The following CDKAL1 variants were observed in gnomAD, a reference collection of about 807,000 sequenced individuals.
CDKAL1 encodes CDKAL1 threonylcarbamoyladenosine tRNA methylthiotransferase, also known as threonylcarbamoyladenosine tRNA methylthiotransferase.
A neutral mutation model predicts 68.2 loss-of-function variants in CDKAL1; 32 were observed. That is an observed-to-expected ratio of 0.47 (90% CI 0.35 to 0.63). The LOEUF (loss-of-function observed/expected upper bound fraction) is 0.63, where lower values mean the gene tolerates loss of function less well. Ranked by LOEUF, CDKAL1 falls within the 30% of genes least tolerant of loss-of-function variation. The pLI is 0.00. For synonymous variants in CDKAL1, 234 were observed against 244.3 expected, an observed-to-expected ratio of 0.96 and a Z score of 0.39; for missense variants, 606 against 696.7, an observed-to-expected ratio of 0.87 and a Z score of 1.47.
chr6:20,880,571 T>C (rs1164976581), intron 9 of CDKAL1, among the ~76,000 whole-genome samples: 1 of 152,140 alleles, frequency 6.6e-6, no homozygotes, highest in African/African-American at 2.4e-5. Flanking sequence ...CTACATTCTT[T>C]AAGTTATTAT....
chr6:20,992,615 A>G (rs1766889552), intron 10 of CDKAL1, among the ~76,000 whole-genome samples: 1 of 152,232 alleles, frequency 6.6e-6, no homozygotes, highest in Non-Finnish European at 1.5e-5. Flanking sequence ...AAGGCTAGGC[A>G]TGGTGGGCAT....
chr6:20,629,782 C>T lies in CDKAL1; in HGVS notation c.287-19511C>T, dbSNP rs34835908. 8.0e-3 allele frequency among the ~76,000 whole-genome samples: 1,213 copies of T among 151,974 alleles called. 15 individuals are homozygous for T. The highest frequency in any genetic ancestry group is 0.026 in the African/African-American group (1,071 of 41,432). On this transcript the variant is annotated intron_variant, in intron 4 of 15. Transcript: ENST00000274695. ...CTGGTTGCCCCCTGTAGAGATGCCCCATGTTCTTCTTGGGCTCTGAGACCC... is the reference window on the plus strand; with the variant it reads ...CTGGTTGCCCCCTGTAGAGATGCCCTATGTTCTTCTTGGGCTCTGAGACCC...
At chr6:20,876,534 G>A (rs1245074795) in intron 9 of CDKAL1, among the ~76,000 whole-genome samples, 1 of 152,108 alleles carries the variant, frequency 6.6e-6, no homozygotes, top group Non-Finnish European at 1.5e-5. Flanking sequence ...TTCATTCTAA[G>A]GATTAAATTC....
intron 9 of CDKAL1, among the ~76,000 whole-genome samples, chr6:20,878,511 C>T (rs912246598): frequency 1.3e-5 from 2 of 150,814 alleles, no homozygotes; most frequent in South Asian, 2.1e-4. Flanking sequence ...GGGCGGAGGC[C>T]GGCGGATCAC....
intron 11 of CDKAL1, among the ~76,000 whole-genome samples, chr6:21,060,772 A>C (rs1219838395): frequency 6.6e-6 from 1 of 152,056 alleles, no homozygotes; most frequent in Non-Finnish European, 1.5e-5. Flanking sequence ...AAAGTATTGA[A>C]TATTTGTCCT....
intron 9 of CDKAL1, among the ~76,000 whole-genome samples, chr6:20,910,090 T>C (rs1472828907): frequency 6.6e-6 from 1 of 152,220 alleles, no homozygotes; most frequent in African/African-American, 2.4e-5. Context: ...TCCTTTTACT[T>C]CTTATACTAA....
intron 9 of CDKAL1, among the ~76,000 whole-genome samples, chr6:20,936,642 C>G (rs1763731894): frequency 6.6e-6 from 1 of 152,038 alleles, no homozygotes; most frequent in South Asian, 2.1e-4. Flanking sequence ...AATGGCAGTA[C>G]TATGACACGC....
chr6:21,067,198 G>C (rs956173498), intron 12 of CDKAL1, among the ~76,000 whole-genome samples: 1 of 151,908 alleles, frequency 6.6e-6, no homozygotes, highest in Non-Finnish European at 1.5e-5. Context: ...TCCATTTACT[G>C]TCCTCTCCCC....
At chr6:20,848,873 G>A (rs1302281098) in intron 9 of CDKAL1, among the ~76,000 whole-genome samples, 2 of 151,292 alleles carry the variant, frequency 1.3e-5, no homozygotes, top group Non-Finnish European at 2.9e-5. Flanking sequence ...GCTTACTGCA[G>A]CTTCAAACTG....
chr6:20,863,482 G>GT (rs562246869), intron 9 of CDKAL1, among the ~76,000 whole-genome samples: 167 of 152,228 alleles, frequency 1.1e-3, no homozygotes, highest in Non-Finnish European at 1.9e-3. Flanking sequence ...TTGAATGAAT[G>GT]TATGCATGCA....
At chr6:20,841,249 T>C (rs11967047) in intron 8 of CDKAL1, among the ~76,000 whole-genome samples, 19,199 of 152,182 alleles carry the variant, frequency 0.13, 1,475 homozygotes, top group East Asian at 0.34. Context: ...TATTAATGCT[T>C]GAGTCCAAAT....
At chr6:21,121,038 A>T (rs1386460888) in intron 13 of CDKAL1, among the ~76,000 whole-genome samples, 1 of 152,168 alleles carries the variant, frequency 6.6e-6, no homozygotes, top group South Asian at 2.1e-4. Flanking sequence ...GCCGAGACCC[A>T]CTCAGCAAGA....
intron 5 of CDKAL1, among the ~76,000 whole-genome samples, chr6:20,699,972 G>GT (rs1771267962): frequency 6.6e-6 from 1 of 151,718 alleles, no homozygotes; most frequent in Non-Finnish European, 1.5e-5. Context: ...TTGAAAACAT[G>GT]TTTTTCAGAA....
chr6:20,709,117 C>T (rs189474039), intron 5 of CDKAL1, among the ~76,000 whole-genome samples: 1 of 147,606 alleles, frequency 6.8e-6, no homozygotes, highest in East Asian at 1.9e-4. Context: ...GAGTGTCTAA[C>T]AGCTGTTAAA....
intron 4 of CDKAL1, among the ~76,000 whole-genome samples, chr6:20,577,454 T>A (rs1764960875): frequency 6.6e-6 from 1 of 152,206 alleles, no homozygotes; most frequent in African/African-American, 2.4e-5. Context: ...ACCCCAGGCC[T>A]AAGTGTATTA....
At chr6:20,613,384 C>T (rs1030151921) in intron 4 of CDKAL1, among the ~76,000 whole-genome samples, 4 of 145,914 alleles carry the variant, frequency 2.7e-5, no homozygotes, top group Admixed American at 7.1e-5. Context: ...AAGTGATTCT[C>T]GTGTCTTGGC....
chr6:21,214,189 T>G (rs1174618038), intron 15 of CDKAL1, among the ~76,000 whole-genome samples: 1 of 152,170 alleles, frequency 6.6e-6, no homozygotes, highest in Non-Finnish European at 1.5e-5. Context: ...GGGGAGTTCC[T>G]TAAGGGTTAC....
intron 5 of CDKAL1, among the ~76,000 whole-genome samples, chr6:20,713,941 A>G (rs1478382182): frequency 6.6e-6 from 1 of 152,176 alleles, no homozygotes; most frequent in Admixed American, 6.5e-5. Flanking sequence ...AACTTTGATC[A>G]TATTTGGACT....
chr6:20,923,220 C>G (rs1168138873), intron 9 of CDKAL1, among the ~76,000 whole-genome samples: 1 of 152,126 alleles, frequency 6.6e-6, no homozygotes, highest in Non-Finnish European at 1.5e-5. Context: ...CATGCCCAGC[C>G]TACATATAAC....
Sources: allele counts gnomAD v4.1 joint callset (sites outside exome capture counted in the v4.1 genomes callset), GRCh38; gene constraint gnomAD v4.1.1; transcripts MANE v1.5; gene names NCBI Gene and HGNC (gene_info 2026-07-23, HGNC 2026-07-21).